The following CELF4 variants were observed in gnomAD, a reference collection of about 807,000 sequenced individuals.
CELF4 encodes the protein CUG-BP- and ETR-3-like factor 4.
Under a neutral mutation model 59.9 loss-of-function variants are expected in CELF4, and 18 were observed. That is an observed-to-expected ratio of 0.30 (90% confidence interval 0.21 to 0.45). The LOEUF is 0.45. Ranked by LOEUF, CELF4 falls within the 20% of genes least tolerant of loss-of-function variation. CELF4 has a pLI of 1.00. For missense variants in CELF4, 456 were observed against 689.0 expected (o/e 0.66, Z 3.79); for synonymous variants, 261 against 267.1 (o/e 0.98, Z 0.22).
At chr18:37,291,084 T>A (rs534827553) in intron 3 of CELF4, among the ~76,000 whole-genome samples, 64 of 152,126 alleles carry the variant, frequency 4.2e-4, no homozygotes, top group Non-Finnish European at 7.8e-4. Flanking sequence ...TAATTTTGTA[T>A]TTTTAGTAGA....
intron 3 of CELF4, among the ~76,000 whole-genome samples, chr18:37,280,421 T>C (rs893702326): frequency 6.6e-6 from 1 of 152,148 alleles, no homozygotes; most frequent in African/African-American, 2.4e-5. Flanking sequence ...AAGAAAGAGT[T>C]GTGCATGGCT....
intron 2 of CELF4, among the ~76,000 whole-genome samples, chr18:37,322,699 C>G (rs755770801): frequency 1.3e-5 from 2 of 152,176 alleles, no homozygotes; most frequent in African/African-American, 4.8e-5. Flanking sequence ...CTCTACAGCC[C>G]GGAGGTCTCA....
At chr18:37,503,589 T>C (rs1360010692) in intron 1 of CELF4, among the ~76,000 whole-genome samples, 3 of 152,346 alleles carry the variant, frequency 2.0e-5, no homozygotes, top group Non-Finnish European at 4.4e-5. Context: ...AGCATCTGTT[T>C]TCTGAGACTC....
At chr18:37,560,429 G>A (rs879562508) in intron 1 of CELF4, among the ~76,000 whole-genome samples, 2 of 152,172 alleles carry the variant, frequency 1.3e-5, no homozygotes, top group Non-Finnish European at 2.9e-5. Context: ...GGAATTTGGA[G>A]TTTGTTTTAA....
chr18:37,436,833 AC>A (rs571353820), intron 2 of CELF4, among the ~76,000 whole-genome samples: 62 of 152,346 alleles, frequency 4.1e-4, no homozygotes, highest in African/African-American at 1.4e-3. Context: ...CAGTGTGATC[AC>A]AGGGAGCTTG....
intron 2 of CELF4, among the ~76,000 whole-genome samples, chr18:37,412,363 C>A (rs2099473231): frequency 1.3e-5 from 2 of 152,308 alleles, no homozygotes; most frequent in South Asian, 4.1e-4. Context: ...GGGGCAGAGA[C>A]AGCATGTTTC....
chr18:37,298,214 A>G (rs2095785775), intron 3 of CELF4, among the ~76,000 whole-genome samples: 1 of 152,170 alleles, frequency 6.6e-6, no homozygotes, highest in African/African-American at 2.4e-5. Context: ...AAAATGGCCC[A>G]AGGATCTGCA....
chr18:37,508,608 C>T (rs1294748624), intron 1 of CELF4, among the ~76,000 whole-genome samples: 2 of 152,248 alleles, frequency 1.3e-5, no homozygotes, highest in Non-Finnish European at 2.9e-5. Context: ...CTGACAAATG[C>T]CACAGGTGCA....
intron 1 of CELF4, among the ~76,000 whole-genome samples, chr18:37,525,210 C>T (rs562816416): frequency 6.6e-6 from 1 of 152,194 alleles, no homozygotes; most frequent in Non-Finnish European, 1.5e-5. Context: ...GGACGGTGGC[C>T]TGTCGCTCTC....
intron 3 of CELF4, among the ~76,000 whole-genome samples, chr18:37,312,849 G>A (rs1042088787): frequency 5.9e-5 from 9 of 152,174 alleles, no homozygotes; most frequent in African/African-American, 2.2e-4. Flanking sequence ...GCCTCCCCAG[G>A]ACCCTTGGCC....
Position 37,245,688 on chromosome 18 carries a change from C to T in CELF4, c.*45-491G>A, listed in dbSNP as rs1007764030. Among the ~76,000 whole-genome samples, 3 of 152,124 alleles carry T rather than the reference C, an allele frequency of 2.0e-5. No individual in the cohort carries two copies. Among genetic ancestry groups the T allele is most frequent in the African/African-American group, 4.8e-5 (2 of 41,426 alleles). On this transcript the variant is annotated intron_variant, in intron 12 of 12. Transcript: ENST00000420428. This position sits in a 1 kb window ranked among gnomAD's most constrained non-coding sequence, Gnocchi z 4.1. ...TCCGTGACTCAAATTTTGTAGAATC[C>T]TTGCCCAGCTTCCAGCCAACCACTT... is the stretch of plus-strand genomic sequence containing the variant.
intron 2 of CELF4, among the ~76,000 whole-genome samples, chr18:37,393,091 TGTGTTAGAGAGACACAGGGACTGC>T (rs1352812673): frequency 2.0e-5 from 3 of 151,042 alleles, no homozygotes; most frequent in Admixed American, 6.6e-5. Context: ...GGGACTGCGG[TGTGTTAGAGAGACACAGGGACTGC>T]GGTGTGTTGG....
At chr18:37,265,392 A>G (rs2077054313) in intron 9 of CELF4, among the ~76,000 whole-genome samples, 1 of 152,144 alleles carries the variant, frequency 6.6e-6, no homozygotes, top group Admixed American at 6.5e-5. Context: ...AAAAACACCA[A>G]AATGGCCTGG....
At chr18:37,252,829 C>G (rs1330285099) in intron 12 of CELF4, among the ~76,000 whole-genome samples, 1 of 151,684 alleles carries the variant, frequency 6.6e-6, no homozygotes, top group Non-Finnish European at 1.5e-5. Context: ...AGCTGGCACA[C>G]AATACTGCTG....
At chr18:37,281,080 G>A (rs2094084609) in intron 3 of CELF4, among the ~76,000 whole-genome samples, 1 of 152,202 alleles carries the variant, frequency 6.6e-6, no homozygotes, top group Admixed American at 6.5e-5. Context: ...CGGGCTGAAA[G>A]GATTTGTATT....
chr18:37,457,974 C>T (rs1241824506), intron 2 of CELF4, among the ~76,000 whole-genome samples: 3 of 152,064 alleles, frequency 2.0e-5, no homozygotes, highest in African/African-American at 7.2e-5. Context: ...TGATTCACAC[C>T]GAGGTGTCAG....
At chr18:37,403,841 C>T (rs1267041629) in intron 2 of CELF4, among the ~76,000 whole-genome samples, 1 of 152,150 alleles carries the variant, frequency 6.6e-6, no homozygotes, top group Non-Finnish European at 1.5e-5. Flanking sequence ...CTGCTCATAC[C>T]CTCTTCTGAG....
At chr18:37,479,865 C>A (rs1182463637) in intron 2 of CELF4, among the ~76,000 whole-genome samples, 1 of 152,154 alleles carries the variant, frequency 6.6e-6, no homozygotes, top group Non-Finnish European at 1.5e-5. Flanking sequence ...CAGGCCCTAA[C>A]GCGATATGAC....
rs530881513 is a variant in CELF4 at position 37,280,428 on chromosome 18, G to A, written c.449-5185C>T. 3.9e-5 allele frequency among the ~76,000 whole-genome samples: 6 copies of A among 152,320 alleles called. No homozygotes were observed. The South Asian group carries it at 1.2e-3, about 32-fold the overall frequency. ...GGGTTGGGAAGAAAGAGTTGTGCAT[G>A]GCTCTGAGATCCCTGGAGAGTCCAG... On this transcript the variant is annotated intron_variant, in intron 3 of 12. Transcript: ENST00000420428.
Sources: gnomAD v4.1 joint callset for allele counts (sites outside exome capture counted in the v4.1 genomes callset) on GRCh38, gnomAD v4.1.1 for gene constraint, Gnocchi (gnomAD v3.1) non-coding constraint, MANE v1.5 for transcripts, NCBI Gene and HGNC (gene_info 2026-07-23, HGNC 2026-07-21) for gene names.